The following NRXN3 variants were observed in gnomAD, a reference collection of about 807,000 sequenced individuals.
NRXN3 encodes neurexin III.
NRXN3 carries 32 observed loss-of-function variants against 137.6 expected under a neutral mutation model. The observed-to-expected ratio is 0.23, with a 90% CI of 0.18 to 0.31. The LOEUF (loss-of-function observed/expected upper bound fraction) is 0.31. NRXN3 is among the 10% of genes least tolerant of loss of function. NRXN3 has a pLI of 1.00. For synonymous variants in NRXN3, 798 were observed against 784.5 expected, an observed-to-expected ratio of 1.02 and a Z score of -0.29; for missense variants, 1,574 against 2,062.5, an observed-to-expected ratio of 0.76 and a Z score of 4.59.
chr14:79,241,245 A>G (rs1418513269), intron 15 of NRXN3, among the ~76,000 whole-genome samples: 2 of 152,200 alleles, frequency 1.3e-5, no homozygotes, highest in African/African-American at 4.8e-5. Context: ...ATAGTCCTCC[A>G]GAGTGAGTTA....
At chr14:78,466,495 C>T (rs1462617802) in intron 4 of NRXN3, among the ~76,000 whole-genome samples, 1 of 152,174 alleles carries the variant, frequency 6.6e-6, no homozygotes, top group Non-Finnish European at 1.5e-5. Flanking sequence ...AGTGAGCTAT[C>T]TGAAATTGCT....
At chr14:78,946,549 C>T (rs541053463) in intron 10 of NRXN3, among the ~76,000 whole-genome samples, 12 of 152,160 alleles carry the variant, frequency 7.9e-5, no homozygotes, top group Non-Finnish European at 1.5e-4. Flanking sequence ...AGTAGGTCAT[C>T]AACTTTTAAA....
At chr14:78,577,207 G>C (rs2096944479) in intron 4 of NRXN3, among the ~76,000 whole-genome samples, 1 of 152,144 alleles carries the variant, frequency 6.6e-6, no homozygotes, top group Non-Finnish European at 1.5e-5. Context: ...GTTGGTAGGA[G>C]TTACTACACA....
intron 15 of NRXN3, among the ~76,000 whole-genome samples, chr14:79,451,701 G>A (rs547847438): frequency 7.9e-5 from 12 of 152,334 alleles, no homozygotes; most frequent in African/African-American, 2.6e-4. Flanking sequence ...CCCTAGAAGT[G>A]GGAGGGCTGA....
At chr14:78,199,669 G>T (rs1172633499) in intron 1 of NRXN3, among the ~76,000 whole-genome samples, 1 of 152,178 alleles carries the variant, frequency 6.6e-6, no homozygotes, top group Non-Finnish European at 1.5e-5. Context: ...CTATTTGATT[G>T]GTTAATGTGC....
chr14:78,552,715 A>G (rs1435143848), intron 4 of NRXN3, among the ~76,000 whole-genome samples: 2 of 152,182 alleles, frequency 1.3e-5, no homozygotes, highest in African/African-American at 2.4e-5. Flanking sequence ...AATAAACAAC[A>G]TTTTTGAGGA....
intron 4 of NRXN3, among the ~76,000 whole-genome samples, chr14:78,576,832 C>T (rs190922487): frequency 6.6e-6 from 1 of 152,220 alleles, no homozygotes; most frequent in Non-Finnish European, 1.5e-5. Flanking sequence ...AAAAGACACC[C>T]TTGTTTCAAG....
At chr14:79,768,358 G>C (rs7147057) in intron 19 of NRXN3, among the ~76,000 whole-genome samples, 1 of 151,950 alleles carries the variant, frequency 6.6e-6, no homozygotes, top group African/African-American at 2.4e-5. Flanking sequence ...AACCTCTGCA[G>C]ACTTAAGTAT....
intron 20 of NRXN3, among the ~76,000 whole-genome samples, chr14:79,821,762 T>C (rs1243340988): frequency 6.6e-6 from 1 of 151,566 alleles, no homozygotes; most frequent in Non-Finnish European, 1.5e-5. Context: ...TAGAGTTCAT[T>C]GTAATGCTTT....
At chr14:79,358,968 C>T (rs2093588719) in intron 15 of NRXN3, among the ~76,000 whole-genome samples, 1 of 152,182 alleles carries the variant, frequency 6.6e-6, no homozygotes. Context: ...TGGGAGGAAG[C>T]TACGGTTACA....
At position 78,464,349 on chromosome 14, in the gene NRXN3, C is replaced by G. The variant is rs551419767; in HGVS notation, c.757+166489C>G. 3.5e-4 allele frequency among the ~76,000 whole-genome samples: 54 copies of G among 152,302 alleles called. 1 individual carries two copies. Among genetic ancestry groups the G allele is most frequent in the African/African-American group, 1.2e-3 (51 of 41,560 alleles). Reference sequence around the variant, plus strand: ...GGGATTATAGGCGTTAGCCACTGCGCCTAGCTGAAAAGGAGAGTTTTTGAT... The same window carrying G: ...GGGATTATAGGCGTTAGCCACTGCGGCTAGCTGAAAAGGAGAGTTTTTGAT... On this transcript the variant is annotated intron_variant, in intron 4 of 20. Transcript: ENST00000335750.
At chr14:78,617,510 C>T (rs1016952188) in intron 4 of NRXN3, among the ~76,000 whole-genome samples, 3 of 152,146 alleles carry the variant, frequency 2.0e-5, no homozygotes, top group African/African-American at 7.2e-5. Context: ...GGTATTACTG[C>T]AAAACCCAGG....
intron 15 of NRXN3, among the ~76,000 whole-genome samples, chr14:79,307,389 A>G (rs993701630): frequency 1.3e-5 from 2 of 152,152 alleles, no homozygotes; most frequent in African/African-American, 4.8e-5. Flanking sequence ...TTGGTCTTCA[A>G]AATCCATGAG....
chr14:79,073,070 A>T (rs1279738947), intron 15 of NRXN3, among the ~76,000 whole-genome samples: 2 of 151,958 alleles, frequency 1.3e-5, no homozygotes, highest in Non-Finnish European at 2.9e-5. Context: ...TATTTTTAGT[A>T]CAGACAGTGT....
At chr14:79,395,652 C>CA (rs954219666) in intron 15 of NRXN3, among the ~76,000 whole-genome samples, 1 of 151,648 alleles carries the variant, frequency 6.6e-6, no homozygotes, top group East Asian at 1.9e-4. Context: ...ACTAAAAATA[C>CA]AAAAAAATTA....
chr14:79,775,099 G>A (rs1223368116), intron 19 of NRXN3, among the ~76,000 whole-genome samples: 1 of 152,064 alleles, frequency 6.6e-6, no homozygotes, highest in East Asian at 1.9e-4. Context: ...AGATAGTATT[G>A]ATCTGGGGTG....
chr14:78,954,452 A>G (rs1262409294), intron 10 of NRXN3, among the ~76,000 whole-genome samples: 4 of 152,022 alleles, frequency 2.6e-5, no homozygotes, highest in East Asian at 1.9e-4. Flanking sequence ...ATAGTAGGGC[A>G]TGAGAAGCTT....
chr14:78,344,799 T>G (rs1249388835), intron 4 of NRXN3, among the ~76,000 whole-genome samples: 2 of 152,112 alleles, frequency 1.3e-5, no homozygotes, highest in African/African-American at 4.8e-5. Flanking sequence ...CTTCTGGGAG[T>G]GCTTGTTACA....
intron 3 of NRXN3, among the ~76,000 whole-genome samples, chr14:78,287,689 G>C (rs1371404979): frequency 6.6e-6 from 1 of 152,116 alleles, no homozygotes; most frequent in Non-Finnish European, 1.5e-5. Context: ...TCCACCACCT[G>C]TATGGCTTCC....
Sources: allele counts gnomAD v4.1 joint callset (sites outside exome capture counted in the v4.1 genomes callset), GRCh38; gene constraint gnomAD v4.1.1; transcripts MANE v1.5; gene names NCBI Gene and HGNC (gene_info 2026-07-23, HGNC 2026-07-21).